CADPS2: variants seen among roughly 807,000 people sequenced by gnomAD.
The protein encoded by CADPS2 is calcium-dependent secretion activator 2.
In CADPS2, 93 loss-of-function variants were observed where a neutral mutation model predicts 172.5. That is an observed-to-expected ratio of 0.54 (90% CI 0.46 to 0.64). The LOEUF (loss-of-function observed/expected upper bound fraction) is 0.64, where lower values mean the gene tolerates loss of function less well. Ranked by LOEUF, CADPS2 falls within the 30% of genes least tolerant of loss-of-function variation. CADPS2 has a pLI of 0.00. For missense variants in CADPS2, 1,420 were observed against 1,565.9 expected (o/e 0.91, Z 1.57); for synonymous variants, 546 against 555.2 (o/e 0.98, Z 0.23).
Position 122,490,155 on chromosome 7 carries a change from T to G in CADPS2, c.1778A>C (p.Tyr593Ser), listed in dbSNP as rs776233111. The change falls in exon 11 of 30, where the codon TAT (tyrosine) becomes TCT (serine). Residue 593 changes from tyrosine to serine, a missense_variant. Transcript: ENST00000449022. The part of the protein sequence containing the change: ...QAMYRATGQS[Y>S]KPVPAIQTQK... ...GGTTTGAATTGCAGGAACTGGTTTA[T>G]ATGATTGACCTGTGGCCCTATACAT... 2 of 1,613,464 alleles carry G rather than the reference T, an allele frequency of 1.2e-6. No individual in the cohort carries two copies. Among genetic ancestry groups the G allele is most frequent in the East Asian group, 2.2e-5 (1 of 44,822 alleles).
intron 2 of CADPS2, among the ~76,000 whole-genome samples, chr7:122,673,044 A>G (rs1313409115): frequency 6.6e-6 from 1 of 152,022 alleles, no homozygotes; most frequent in Non-Finnish European, 1.5e-5. Flanking sequence ...ACAGCTCTAC[A>G]AGGCATCGCC....
At chr7:122,466,981 G>A (rs2055228717) in intron 14 of CADPS2, among the ~76,000 whole-genome samples, 1 of 152,024 alleles carries the variant, frequency 6.6e-6, no homozygotes, top group Non-Finnish European at 1.5e-5. Context: ...CTTCAGTATT[G>A]AACTTGAGGT....
chr7:122,837,529 T>C (rs1010735409), intron 1 of CADPS2, among the ~76,000 whole-genome samples: 1 of 151,892 alleles, frequency 6.6e-6, no homozygotes, highest in African/African-American at 2.4e-5. Flanking sequence ...GATAGACCAC[T>C]AGCAAGACTA....
intron 8 of CADPS2, among the ~76,000 whole-genome samples, chr7:122,522,064 T>A (rs942969739): frequency 1.3e-5 from 2 of 152,172 alleles, no homozygotes; most frequent in Non-Finnish European, 2.9e-5. Context: ...GAACTGCTGA[T>A]GCAGTTCTAG....
In CADPS2 at chr7:122,699,016, A is replaced by T. The variant is rs2085613861; in HGVS notation, c.454-35447T>A. 3 of 838,624 alleles carry T rather than the reference A, an allele frequency of 3.6e-6. No homozygotes were observed. The South Asian group carries it at 5.8e-5, about 16-fold the overall frequency. 51.9% of individuals were successfully genotyped at this position (838,624 alleles called of 1,614,324 possible). On this transcript the variant is annotated intron_variant, in intron 2 of 29. Coordinates refer to ENST00000449022, the MANE Select transcript of CADPS2 (RefSeq NM_017954.11). ...GAAGAGAAAAAAATCTTCAGGATAC[A>T]AACAAGATCCACTGTCTTCCAGCAT...
intron 1 of CADPS2, among the ~76,000 whole-genome samples, chr7:122,746,628 G>GAC (rs60569506): frequency 1.3e-4 from 19 of 150,542 alleles, no homozygotes; most frequent in South Asian, 2.1e-4. Flanking sequence ...AAAACACACA[G>GAC]ACACACACAC....
At chr7:122,587,723 T>C (rs1243461198) in intron 6 of CADPS2, among the ~76,000 whole-genome samples, 1 of 152,136 alleles carries the variant, frequency 6.6e-6, no homozygotes, top group Non-Finnish European at 1.5e-5. Context: ...AACAGAATAA[T>C]TTATATTCCT....
At chr7:122,540,575 G>C (rs187775016) in intron 8 of CADPS2, among the ~76,000 whole-genome samples, 22 of 152,132 alleles carry the variant, frequency 1.4e-4, no homozygotes, top group Non-Finnish European at 2.2e-4. Context: ...AATTAGTAAT[G>C]TATCTCCTGG....
At chr7:122,330,661 G>A (rs1490646824) in intron 28 of CADPS2, 4 of 152,110 alleles carry the variant, frequency 2.6e-5, no homozygotes, top group Non-Finnish European at 4.4e-5. Context: ...CAGCCTATTA[G>A]GTTTAAAAAT....
rs1563256440 is a variant in CADPS2 at position 122,886,356 on chromosome 7, C to G, written c.-19G>C. 6.7e-7 allele frequency: 1 copy of G among 1,489,156 alleles called. No homozygotes were observed. The highest frequency in any genetic ancestry group is 2.3e-4 in the Middle Eastern group (1 of 4,406). 92.2% of individuals were successfully genotyped at this position (1,489,156 alleles called of 1,614,324 possible). On this transcript the variant is annotated 5_prime_UTR_variant, in exon 1 of 30. Coordinates refer to ENST00000449022, the MANE Select transcript of CADPS2 (RefSeq NM_017954.11). ...CCAGCATGGTGCTCGGGGATCCCCG[C>G]CGCTCGGCCCGCGGTCCCCAAGCGC...
At chr7:122,515,815 T>C (rs1237835413) in intron 8 of CADPS2, among the ~76,000 whole-genome samples, 1 of 145,428 alleles carries the variant, frequency 6.9e-6, no homozygotes, top group Non-Finnish European at 1.5e-5. Context: ...CTTAAAAGTA[T>C]AATAAAAAAA....
At chr7:122,752,052 C>T (rs2092975060) in intron 1 of CADPS2, among the ~76,000 whole-genome samples, 1 of 151,710 alleles carries the variant, frequency 6.6e-6, no homozygotes, top group Non-Finnish European at 1.5e-5. Flanking sequence ...AAACAGATGT[C>T]CAAGAAAACT....
chr7:122,438,465 C>A lies in CADPS2; in HGVS notation c.2353-1G>T. On this transcript the variant is annotated splice_acceptor_variant, in intron 16 of 29. Transcript: ENST00000449022. LOFTEE classifies it high-confidence loss of function. ...GAGTGGCAATATCTTTCATTAAAAC[C>A]TACAGAGAGAGGAAGTGGAAGGGTG... 1 of 1,612,420 alleles carries A rather than the reference C, an allele frequency of 6.2e-7. No individual in the cohort carries two copies. Among genetic ancestry groups the A allele is most frequent in the Non-Finnish European group, 8.5e-7 (1 of 1,179,024 alleles).
At chr7:122,843,265 C>A (rs1811077692) in intron 1 of CADPS2, among the ~76,000 whole-genome samples, 1 of 151,650 alleles carries the variant, frequency 6.6e-6, no homozygotes, top group Admixed American at 6.6e-5. Flanking sequence ...AATGTAATCA[C>A]ATAGTAGATG....
intron 1 of CADPS2, among the ~76,000 whole-genome samples, chr7:122,794,763 A>C (rs1452291352): frequency 1.3e-5 from 2 of 151,992 alleles, no homozygotes; most frequent in Non-Finnish European, 2.9e-5. Flanking sequence ...AAAAAAAAAA[A>C]AAAACCCTTT....
At chr7:122,747,203 C>G (rs781358417) in intron 1 of CADPS2, among the ~76,000 whole-genome samples, 5 of 151,926 alleles carry the variant, frequency 3.3e-5, no homozygotes, top group Non-Finnish European at 5.9e-5. Flanking sequence ...GAAAGCCATT[C>G]CCCCCAACAC....
At chr7:122,611,435 A>G (rs1184401083) in intron 6 of CADPS2, among the ~76,000 whole-genome samples, 3 of 152,102 alleles carry the variant, frequency 2.0e-5, no homozygotes, top group Non-Finnish European at 2.9e-5. Flanking sequence ...GTAACAATAA[A>G]TTAGAGAACT....
At chr7:122,885,201 GTTT>G (rs942472515) in intron 1 of CADPS2, among the ~76,000 whole-genome samples, 13 of 152,172 alleles carry the variant, frequency 8.5e-5, no homozygotes, top group African/African-American at 3.1e-4. Context: ...CTGGGGTCTT[GTTT>G]TGAAACTCAA....
chr7:122,701,989 A>G, intron 2 of CADPS2: 1 of 1,613,678 alleles, frequency 6.2e-7, no homozygotes, highest in Non-Finnish European at 8.5e-7. Context: ...AGTTGTCTTC[A>G]TTTAGGTCTA....
Sources: allele counts gnomAD v4.1 joint callset (sites outside exome capture counted in the v4.1 genomes callset), GRCh38; gene constraint gnomAD v4.1.1; transcripts MANE v1.5; gene names NCBI Gene and HGNC (gene_info 2026-07-23, HGNC 2026-07-21).